The following G3BP2 variants were observed in gnomAD, a reference collection of about 807,000 sequenced individuals.
G3BP2 encodes G3BP stress granule assembly factor 2.
Under a neutral mutation model 56.7 loss-of-function variants are expected in G3BP2, and 11 were observed. The ratio of observed to expected loss-of-function variants is 0.19; its 90% CI spans 0.12 to 0.32. The LOEUF (loss-of-function observed/expected upper bound fraction) is 0.32, where lower values mean the gene tolerates loss of function less well. Among genes scored for constraint, G3BP2 ranks in the 10% least tolerant of loss-of-function variants. The probability of loss-of-function intolerance (pLI) is 1.00; values close to 1 mark genes in which losing one functional copy is unlikely to be tolerated. For synonymous variants in G3BP2, 165 were observed against 191.6 expected (o/e 0.86, Z 1.15); for missense variants, 340 against 610.9 (o/e 0.56, Z 4.67).
At position 75,646,924 on chromosome 4, in the gene G3BP2, T is replaced by A. The variant is rs1560608846; in HGVS notation, c.1057+105A>T. On this transcript the variant is annotated intron_variant, in intron 10 of 11. Transcript: ENST00000359707. ...GTGGGTCTGGTAGCTGGACACAGTA[T>A]AAAGAGAGAAACATTTAAAAAAAAT... 2.2e-5 allele frequency: 15 copies of A among 684,626 alleles called. No individual in the cohort carries two copies. The Admixed American group carries it at 3.7e-4, about 17-fold the overall frequency. 42.4% of individuals were successfully genotyped at this position (684,626 alleles called of 1,614,324 possible). A position where few individuals can be genotyped will look rare whatever the true frequency, so the allele number is the denominator to read the frequency against.
At chr4:75,676,494 C>T (rs907186303), upstream of G3BP2, among the ~76,000 whole-genome samples, 1 of 152,060 alleles carries the variant, frequency 6.6e-6, no homozygotes, top group Non-Finnish European at 1.5e-5. Flanking sequence ...AGGCATGTGC[C>T]ACCACGCCCA....
intron 3 of G3BP2, among the ~76,000 whole-genome samples, chr4:75,692,729 GATC>G (rs1199452396): frequency 6.6e-6 from 1 of 152,110 alleles, no homozygotes; most frequent in African/African-American, 2.4e-5. Context: ...TTCGTATTTA[GATC>G]AACAAGGAGA....
upstream of G3BP2, among the ~76,000 whole-genome samples, chr4:75,674,722 T>G (rs1308205732): frequency 4.5e-5 from 3 of 67,022 alleles, no homozygotes; most frequent in African/African-American, 1.5e-4. Context: ...ATATATATTT[T>G]TTTTTTTTTT....
At chr4:75,675,595 C>G (rs1464382175), upstream of G3BP2, among the ~76,000 whole-genome samples, 1 of 152,172 alleles carries the variant, frequency 6.6e-6, no homozygotes, top group Non-Finnish European at 1.5e-5. Flanking sequence ...GAGTTTGAGA[C>G]CAGCCTGACC....
intron 5 of G3BP2, among the ~76,000 whole-genome samples, 184 bp downstream of exon 5, chr4:75,656,740 G>C (rs756776056): frequency 2.0e-5 from 3 of 152,094 alleles, no homozygotes; most frequent in Non-Finnish European, 4.4e-5. Context: ...TCCAAATTTT[G>C]TATATTTTCA....
upstream of G3BP2, among the ~76,000 whole-genome samples, chr4:75,675,473 G>T (rs931039146): frequency 6.6e-6 from 1 of 152,174 alleles, no homozygotes; most frequent in Non-Finnish European, 1.5e-5. Context: ...TGGTGCTACT[G>T]CTGCTCTAGG....
intron 8 of G3BP2, among the ~76,000 whole-genome samples, chr4:75,650,687 C>T (rs997387613): frequency 3.9e-5 from 6 of 152,082 alleles, no homozygotes; most frequent in Non-Finnish European, 8.8e-5. Flanking sequence ...TATGTATTTA[C>T]TCCTATAAAG....
At chr4:75,652,645 C>T (rs923289440) in intron 8 of G3BP2, among the ~76,000 whole-genome samples, 1 of 152,048 alleles carries the variant, frequency 6.6e-6, no homozygotes, top group Non-Finnish European at 1.5e-5. Context: ...AAAAAATAAA[C>T]GTTTACATGA....
intron 3 of G3BP2, among the ~76,000 whole-genome samples, chr4:75,705,313 G>C (rs1456438217): frequency 1.3e-5 from 2 of 152,210 alleles, no homozygotes; most frequent in Non-Finnish European, 2.9e-5. Context: ...AGGCTACCTG[G>C]GAGGTACAGG....
chr4:75,674,718 ATTTTTTTTTTTTTTTTT>A (rs71203842), upstream of G3BP2, among the ~76,000 whole-genome samples: 1 of 71,432 alleles, frequency 1.4e-5, no homozygotes, highest in South Asian at 5.5e-4. Flanking sequence ...ATATATATAT[ATTTTTTTTTTTTTTTTT>A]TTTTTAAGAT....
At chr4:75,670,858 C>G (rs1733427400) in intron 1 of G3BP2, among the ~76,000 whole-genome samples, 1 of 152,008 alleles carries the variant, frequency 6.6e-6, no homozygotes, top group African/African-American at 2.4e-5. Context: ...GGAAGAGCAG[C>G]CAGCTCTTCC....
At chr4:75,652,063 G>C (rs1298874734) in intron 8 of G3BP2, among the ~76,000 whole-genome samples, 1 of 152,134 alleles carries the variant, frequency 6.6e-6, no homozygotes, top group South Asian at 2.1e-4. Flanking sequence ...TTTAAGTATA[G>C]CCTAAAGACA....
Position 75,645,682 on chromosome 4 carries a change from T to C in G3BP2, c.1197A>G (p.Glu399=). The C allele has an allele frequency of 1.9e-6, 3 of 1,613,776 alleles. No homozygotes were observed. The highest frequency in any genetic ancestry group is 2.5e-6 in the Non-Finnish European group (3 of 1,179,748). ...TTTTCTCTTCCACATTTAAACGTACTTCCCCTCGAAACATAATCGGCTTTA... is the reference window on the plus strand; with the variant it reads ...TTTTCTCTTCCACATTTAAACGTACCTCCCCTCGAAACATAATCGGCTTTA... ...LIAKPIMFRG[E]VRLNVEEKKT... Residue 399 remains glutamate (E), a synonymous_variant, in exon 12 of 12, where the codon GAA becomes GAG. Coordinates refer to ENST00000359707, the MANE Select transcript of G3BP2 (RefSeq NM_203505.3).
chr4:75,670,987 A>G (rs752905075), intron 1 of G3BP2, among the ~76,000 whole-genome samples: 3 of 152,240 alleles, frequency 2.0e-5, no homozygotes, highest in South Asian at 2.1e-4. Flanking sequence ...ATAATTTTCA[A>G]TATACCTATG....
chr4:75,678,053 G>A (rs1434604792), upstream of G3BP2, among the ~76,000 whole-genome samples: 1 of 152,198 alleles, frequency 6.6e-6, no homozygotes, highest in African/African-American at 2.4e-5. Flanking sequence ...GCCCTCACTA[G>A]GGTTGGCCCT....
chr4:75,700,226 G>C (rs577676556), intron 3 of G3BP2, among the ~76,000 whole-genome samples: 2 of 151,398 alleles, frequency 1.3e-5, no homozygotes, highest in Admixed American at 1.3e-4. Context: ...GCTACTTTTT[G>C]TATTTTTAGT....
intron 2 of G3BP2, 66 bp from the exon 3 acceptor site, chr4:75,658,990 T>A (rs1014644510): frequency 1.7e-6 from 2 of 1,205,286 alleles, no homozygotes; most frequent in Non-Finnish European, 2.5e-6. Context: ...AGAATTCTGG[T>A]GTCATAGACT....
chr4:75,674,466 GTC>G (rs1315694378), upstream of G3BP2, among the ~76,000 whole-genome samples: 2 of 151,854 alleles, frequency 1.3e-5, no homozygotes, highest in Non-Finnish European at 2.9e-5. Flanking sequence ...GGCCTCCAAA[GTC>G]TACAATATCT....
At chr4:75,658,626 C>T (rs376187652) in intron 3 of G3BP2, among the ~76,000 whole-genome samples, 20 of 151,706 alleles carry the variant, frequency 1.3e-4, no homozygotes, top group African/African-American at 4.4e-4. Flanking sequence ...ACTTGGGAGG[C>T]TGAGGCAGGA....
Sources: allele counts gnomAD v4.1 joint callset (sites outside exome capture counted in the v4.1 genomes callset), GRCh38; gene constraint gnomAD v4.1.1; transcripts MANE v1.5; gene names NCBI Gene and HGNC (gene_info 2026-07-23, HGNC 2026-07-21).